Variants in MAP4K4 observed in about 807,000 individuals in gnomAD.
MAP4K4 encodes the protein mitogen-activated protein kinase kinase kinase kinase 4.
MAP4K4 carries 38 observed loss-of-function variants against 189.6 expected under a neutral mutation model. The observed-to-expected ratio is 0.20, with a 90% confidence interval of 0.15 to 0.26. MAP4K4 has a LOEUF of 0.26. Among genes scored for constraint, MAP4K4 ranks in the 10% least tolerant of loss-of-function variants. The pLI, the probability that MAP4K4 is intolerant of heterozygous loss-of-function variation, is 1.00. For missense variants in MAP4K4, 1,054 were observed against 1,726.9 expected (o/e 0.61, Z 6.91); for synonymous variants, 610 against 624.3 (o/e 0.98, Z 0.34).
In MAP4K4 at chr2:101,868,055, A is replaced by G; in HGVS notation, c.2463+18A>G. On this transcript the variant is annotated intron_variant, in intron 21 of 32. Transcript: ENST00000324219. ...GCGAAGTGGTAAGCGCCATCTCTGAAAAGTTCCACTTCAGAGCAGCACTCC... is the reference window on the plus strand; with the variant it reads ...GCGAAGTGGTAAGCGCCATCTCTGAGAAGTTCCACTTCAGAGCAGCACTCC... 1.9e-6 allele frequency: 3 copies of G among 1,611,294 alleles called. No homozygotes were observed. Among genetic ancestry groups the G allele is most frequent in the Non-Finnish European group, 1.7e-6 (2 of 1,178,776 alleles).
chr2:101,698,746 G>C (rs1211691467), intron 2 of MAP4K4, among the ~76,000 whole-genome samples: 1 of 152,138 alleles, frequency 6.6e-6, no homozygotes, highest in African/African-American at 2.4e-5. Flanking sequence ...TCCTGGCTTT[G>C]AGATAAGGAA....
intron 27 of MAP4K4, among the ~76,000 whole-genome samples, chr2:101,880,189 T>G (rs2098343006): frequency 6.6e-6 from 1 of 152,186 alleles, no homozygotes; most frequent in Non-Finnish European, 1.5e-5. Context: ...GAAGTTTTTA[T>G]TTTAGTGAAG....
intron 28 of MAP4K4, among the ~76,000 whole-genome samples, chr2:101,882,891 C>A (rs1390672513): frequency 6.6e-6 from 1 of 152,190 alleles, no homozygotes; most frequent in Non-Finnish European, 1.5e-5. Context: ...CCTCTGTGCA[C>A]CTATATGCAT....
At chr2:101,715,650 A>G (rs2047971019) in intron 2 of MAP4K4, among the ~76,000 whole-genome samples, 1 of 152,206 alleles carries the variant, frequency 6.6e-6, no homozygotes, top group Non-Finnish European at 1.5e-5. Flanking sequence ...TTGATGCTCA[A>G]ATGGTTTAAA....
At chr2:101,715,702 G>GT (rs1029276216) in intron 2 of MAP4K4, among the ~76,000 whole-genome samples, 9 of 152,190 alleles carry the variant, frequency 5.9e-5, no homozygotes, top group South Asian at 2.1e-4. Flanking sequence ...TTTGAACCTT[G>GT]TTTTTTTAAA....
chr2:101,818,997 T>G (rs2095876718), intron 3 of MAP4K4, among the ~76,000 whole-genome samples: 1 of 152,150 alleles, frequency 6.6e-6, no homozygotes, highest in Admixed American at 6.5e-5. Context: ...TTTATACTTG[T>G]GACCTGCTAA....
At chr2:101,712,595 G>C (rs2046228150) in intron 2 of MAP4K4, among the ~76,000 whole-genome samples, 1 of 151,718 alleles carries the variant, frequency 6.6e-6, no homozygotes, top group Admixed American at 6.6e-5. Context: ...CATCTCCCAG[G>C]TTCAAGTGAT....
intron 3 of MAP4K4, among the ~76,000 whole-genome samples, chr2:101,822,295 G>A (rs1234347870): frequency 1.3e-5 from 2 of 152,154 alleles, no homozygotes; most frequent in African/African-American, 4.8e-5. Flanking sequence ...ATGTCACTAG[G>A]TGATGGGAAT....
intron 2 of MAP4K4, among the ~76,000 whole-genome samples, chr2:101,741,289 T>A (rs1008309228): frequency 6.7e-6 from 1 of 150,102 alleles, no homozygotes; most frequent in Non-Finnish European, 1.5e-5. Context: ...TGCCTCAGCC[T>A]CCCGAGTAGC....
intron 3 of MAP4K4, chr2:101,797,249 T>C: frequency 7.7e-7 from 1 of 1,290,676 alleles, no homozygotes; most frequent in Non-Finnish European, 1.0e-6. Flanking sequence ...CTGTTATTCC[T>C]CAGAGGCCAG....
chr2:101,833,222 G>T (rs1295244649), intron 7 of MAP4K4, among the ~76,000 whole-genome samples: 1 of 151,864 alleles, frequency 6.6e-6, no homozygotes, highest in Non-Finnish European at 1.5e-5. Flanking sequence ...TTTAAATTGA[G>T]CAACTTTAAT....
At chr2:101,860,002 T>A in intron 15 of MAP4K4, 138 bp downstream of exon 15, 1 of 941,934 alleles carries the variant, frequency 1.1e-6, no homozygotes, top group Non-Finnish European at 1.6e-6. Context: ...AACTAGGAAA[T>A]TGAATTTCAG....
At chr2:101,709,541 T>C (rs1573947873) in intron 2 of MAP4K4, among the ~76,000 whole-genome samples, 2 of 152,336 alleles carry the variant, frequency 1.3e-5, no homozygotes, top group East Asian at 3.9e-4. Flanking sequence ...GTTTCTTTCT[T>C]ATCGCTATGA....
At chr2:101,750,185 A>T (rs1431762470) in intron 2 of MAP4K4, among the ~76,000 whole-genome samples, 1 of 149,306 alleles carries the variant, frequency 6.7e-6, no homozygotes, top group Non-Finnish European at 1.5e-5. Flanking sequence ...ACTATAAATC[A>T]TGCTGCTATA....
intron 2 of MAP4K4, among the ~76,000 whole-genome samples, chr2:101,760,358 G>A (rs1272667540): frequency 2.0e-5 from 3 of 151,568 alleles, no homozygotes; most frequent in African/African-American, 2.4e-5. Context: ...ATGTGGTGGT[G>A]TGAGCCTGTA....
At chr2:101,744,739 A>G (rs1558689090) in intron 2 of MAP4K4, among the ~76,000 whole-genome samples, 2 of 152,264 alleles carry the variant, frequency 1.3e-5, no homozygotes, top group African/African-American at 2.4e-5. Flanking sequence ...TTTCTGGCCA[A>G]CTGTTCTTTG....
intron 2 of MAP4K4, among the ~76,000 whole-genome samples, chr2:101,760,273 G>A (rs1400348396): frequency 6.6e-6 from 1 of 151,808 alleles, no homozygotes; most frequent in Non-Finnish European, 1.5e-5. Context: ...GGAGGATCAC[G>A]AGGTCAAGAG....
intron 2 of MAP4K4, among the ~76,000 whole-genome samples, chr2:101,761,577 C>T (rs374869368): frequency 1.1e-4 from 16 of 143,094 alleles, no homozygotes; most frequent in Admixed American, 6.4e-4. Context: ...TCTTTTGAGA[C>T]GAAGTCTCTC....
At chr2:101,705,579 C>G (rs1466365720) in intron 2 of MAP4K4, among the ~76,000 whole-genome samples, 1 of 152,100 alleles carries the variant, frequency 6.6e-6, no homozygotes, top group Non-Finnish European at 1.5e-5. Flanking sequence ...TTTTTTTACT[C>G]GTAGAATCAA....
Sources: gnomAD v4.1 joint callset for allele counts (sites outside exome capture counted in the v4.1 genomes callset) on GRCh38, gnomAD v4.1.1 for gene constraint, MANE v1.5 for transcripts, NCBI Gene and HGNC (gene_info 2026-07-23, HGNC 2026-07-21) for gene names.